Variants in WDR97 observed in about 807,000 individuals in gnomAD.
WDR97 encodes the protein WD repeat domain 97.
In WDR97, 111 loss-of-function variants were observed where a neutral mutation model predicts 65.4. That is an observed-to-expected ratio of 1.70 (90% CI 1.45 to 1.99). The LOEUF (loss-of-function observed/expected upper bound fraction) is 1.99. Ranked by LOEUF, WDR97 falls within the 30% of genes most tolerant of loss-of-function variation. The pLI, the probability that WDR97 is intolerant of heterozygous loss-of-function variation, is 0.00. For missense variants in WDR97, 1,674 were observed against 865.0 expected (o/e 1.94, Z -11.73); for synonymous variants, 802 against 397.7 (o/e 2.02, Z -12.10).
rs1320487720 is a variant in WDR97, at chr8:144,109,882, G to T, written c.1548G>T (p.Pro516=). Reference sequence around the variant, plus strand: ...TGAGCGTGCTGCACCGCGTGTGCCCGCCGCCGCCCCCTGCGCCGCAGCCTT... The same window carrying T: ...TGAGCGTGCTGCACCGCGTGTGCCCTCCGCCGCCCCCTGCGCCGCAGCCTT... ...CPMSVLHRVC[P]PPPPAPQPCC... is the part of the protein sequence containing the mutation. The change falls in exon 5 of 24, where the codon CCG becomes CCT. Residue 516 remains proline (P), a synonymous_variant. Transcript: ENST00000323662. 1 of 700,894 alleles carries T rather than the reference G, an allele frequency of 1.4e-6. No individual in the cohort carries two copies. 43.4% of individuals were successfully genotyped at this position (700,894 alleles called of 1,614,324 possible).
rs1266898360 is a variant in WDR97, at chr8:144,109,089, A to G, written c.919A>G (p.Met307Val). The change falls in exon 4 of 24, where the codon ATG becomes GTG. Residue 307 changes from methionine (M) to valine (V), a missense_variant. By Grantham distance (21) the Met-to-Val change is conservative. Coordinates refer to ENST00000323662, the MANE Select transcript of WDR97 (RefSeq NM_001316309.2). ...GGCTTACTGCGAGGAAGTAGAGGCA[A>G]TGGTGACAGCTTCCCGGGACAGCAC... Reference protein sequence around the residue: ...DLAYCEEVEAMVTASRDSTVK... With the variant: ...DLAYCEEVEAVVTASRDSTVK... 4 of 702,972 alleles carry G rather than the reference A, an allele frequency of 5.7e-6. No homozygotes were observed. The highest frequency in any genetic ancestry group is 1.0e-5 in the Non-Finnish European group (4 of 385,038). The allele number at this position is 702,972 out of a possible 1,614,324, so 43.5% of individuals were successfully genotyped here.
rs976925314 is a variant in WDR97 at position 144,115,417 on chromosome 8, C to T, written c.4154C>T (p.Ser1385Leu). ...ASVIPSGTSW[S>L]ASGIFGRLSQ... ...GTGATACCCTCGGGCACCTCCTGGT[C>T]GGCCTCCGGCATCTTCGGGAGGCTC... Residue 1385 changes from serine to leucine, a missense_variant, in exon 22 of 24, where the codon TCG becomes TTG. Transcript: ENST00000323662. 4 of 671,198 alleles carry T rather than the reference C, an allele frequency of 6.0e-6. No homozygotes were observed. Among genetic ancestry groups the T allele is most frequent in the African/African-American group, 3.6e-5 (2 of 56,174 alleles). 41.6% of individuals were successfully genotyped at this position (671,198 alleles called of 1,614,324 possible). A position where few individuals can be genotyped will look rare whatever the true frequency, so the allele number is the denominator to read the frequency against.
chr8:144,111,405 T>C (rs761009218), intron 10 of WDR97, 21 bp from the exon 11 acceptor site: 2 of 702,680 alleles, frequency 2.8e-6, no homozygotes, highest in South Asian at 1.5e-5. Flanking sequence ...GCATCCCACC[T>C]GTGCCTGTCC....
At chr8:144,108,291 C>A (rs760221209) in intron 2 of WDR97, 25 bp from the exon 3 acceptor site, 2 of 690,806 alleles carry the variant, frequency 2.9e-6, no homozygotes, top group Admixed American at 2.2e-5. Context: ...CCTTTGATTG[C>A]GGGCCCGCCC....
In WDR97 at chr8:144,115,558, A is replaced by G. The variant is rs1156485372; in HGVS notation, c.4295A>G (p.Gln1432Arg). Reference sequence around the variant, plus strand: ...CCCAAGCGCAGCTGGGGGACCCCTCAGCTCCGTCTCAGAGTGCTCTCCGAG... The same window carrying G: ...CCCAAGCGCAGCTGGGGGACCCCTCGGCTCCGTCTCAGAGTGCTCTCCGAG... ...LAPKRSWGTP[Q>R]LRLRVLSETL... The change falls in exon 22 of 24, where the codon CAG (glutamine) becomes CGG (arginine). Residue 1432 changes from glutamine (Q) to arginine (R), a missense_variant. Transcript: ENST00000323662. 1 of 696,316 alleles carries G rather than the reference A, an allele frequency of 1.4e-6. No homozygotes were observed. Among genetic ancestry groups the G allele is most frequent in the South Asian group, 1.5e-5 (1 of 67,280 alleles). The allele number at this position is 696,316 out of a possible 1,614,324, so 43.1% of individuals were successfully genotyped here. A position where few individuals can be genotyped will look rare whatever the true frequency, so the allele number is the denominator to read the frequency against.
chr8:144,116,030 G>T lies in WDR97; in HGVS notation c.4666+17G>T, dbSNP rs941594998. The T allele has an allele frequency of 5.7e-6, 4 of 699,604 alleles. No individual in the cohort carries two copies. Among genetic ancestry groups the T allele is most frequent in the Non-Finnish European group, 1.0e-5 (4 of 384,312 alleles). 43.3% of individuals were successfully genotyped at this position (699,604 alleles called of 1,614,324 possible). A position where few individuals can be genotyped will look rare whatever the true frequency, so the allele number is the denominator to read the frequency against. On this transcript the variant is annotated intron_variant, in intron 23 of 23. Transcript: ENST00000323662. ...GACTGAGGGGTGAGTGGAGCCAGGGGTGGAGACTGGACCCCACCCACCCCA... is the reference window on the plus strand; with the variant it reads ...GACTGAGGGGTGAGTGGAGCCAGGGTTGGAGACTGGACCCCACCCACCCCA...
In WDR97 at chr8:144,114,891, G is replaced by A. The variant is rs150768908; in HGVS notation, c.4057G>A (p.Asp1353Asn). The A allele has an allele frequency of 5.0e-4, 353 of 700,410 alleles. No individual in the cohort carries two copies. In the African/African-American group the frequency reaches 5.5e-3, roughly 11 times the overall value. 43.4% of individuals were successfully genotyped at this position (700,410 alleles called of 1,614,324 possible). A position where few individuals can be genotyped will look rare whatever the true frequency, so the allele number is the denominator to read the frequency against. The change falls in exon 21 of 24, where the codon GAC becomes AAC. Residue 1353 changes from aspartate (D) to asparagine (N), a missense_variant. Transcript: ENST00000323662. ...LRTCCHQKLE[D>N]MIQELQETPS... ...CACTTGCTGCCACCAGAAACTGGAG[G>A]ACATGATCCAGGAGCTTCAGGTTGG...
chr8:144,114,942 G>A (rs745344224), intron 21 of WDR97, 31 bp downstream of exon 21: 16 of 663,022 alleles, frequency 2.4e-5, no homozygotes, highest in Non-Finnish European at 4.1e-5. Flanking sequence ...GGGGGCCTTG[G>A]GAACCCTGTT....
rs1225142934 is a variant in WDR97 at position 144,111,205 on chromosome 8, T to A, written c.2409T>A (p.His803Gln). ...AACTGCAGAGGCTCACCAACCTCCATGGGGCAGCCAGCCTCAGGTCCCATG... is the reference window on the plus strand; with the variant it reads ...AACTGCAGAGGCTCACCAACCTCCAAGGGGCAGCCAGCCTCAGGTCCCATG... ...SAQLQRLTNL[H>Q]GAASLSEALS... is the part of the protein sequence containing the mutation. Residue 803 changes from histidine to glutamine, a missense_variant, in exon 10 of 24, where the codon CAT becomes CAA. His to Gln is a conservative substitution (Grantham distance 24, BLOSUM62 0). Transcript: ENST00000323662. 8 of 702,564 alleles carry A rather than the reference T, an allele frequency of 1.1e-5. No homozygotes were observed. The East Asian group carries it at 1.9e-4, about 16-fold the overall frequency. The allele number at this position is 702,564 out of a possible 1,614,324, so 43.5% of individuals were successfully genotyped here.
chr8:144,109,666 G>A lies in WDR97; in HGVS notation c.1332G>A (p.Thr444=). The A allele has an allele frequency of 3.0e-6, 2 of 668,162 alleles. No individual in the cohort carries two copies. The highest frequency in any genetic ancestry group is 3.1e-5 in the South Asian group (2 of 63,758). 41.4% of individuals were successfully genotyped at this position (668,162 alleles called of 1,614,324 possible). A position where few individuals can be genotyped will look rare whatever the true frequency, so the allele number is the denominator to read the frequency against. The change falls in exon 5 of 24, where the codon ACG becomes ACA. Residue 444 remains threonine, a synonymous_variant. Coordinates refer to ENST00000323662, the MANE Select transcript of WDR97 (RefSeq NM_001316309.2). ...LPAPAHQSLP[T]RLVCACADGS... ...CGCCTGCGCACCAGTCGCTGCCTAC[G>A]CGCCTCGTGTGCGCGTGCGCCGACG...
chr8:144,116,197 GC>G lies in WDR97; in HGVS notation c.4775del (p.Pro1592LeufsTer84). The G allele has an allele frequency of 1.4e-6, 1 of 696,586 alleles. No individual in the cohort carries two copies. The highest frequency in any genetic ancestry group is 1.5e-5 in the South Asian group (1 of 67,128). The allele number at this position is 696,586 out of a possible 1,614,324, so 43.2% of individuals were successfully genotyped here. ...AGCCGCAGCCTTTCCCCCTGGACTG[GC>G]CTATGCCCCCGCGCCCGCTGCCCCC... Reference protein sequence around the residue: ...VEPQPFPLDWPMPPRPLPPRL... With the variant: ...VEPQPFPLDWXMPPRPLPPRL... On this transcript the variant is annotated frameshift_variant, in exon 24 of 24. Transcript: ENST00000323662. LOFTEE classifies it low-confidence loss of function (END_TRUNC).
At chr8:144,108,008 G>T (rs1437450568) in intron 1 of WDR97, 51 bp from the exon 2 acceptor site, 2 of 702,380 alleles carry the variant, frequency 2.8e-6, no homozygotes, top group Non-Finnish European at 5.2e-6. Context: ...TAACCGTCAG[G>T]GTCGAGGACC....
intron 19 of WDR97, 37 bp downstream of exon 19, chr8:144,114,512 C>T (rs1396339159): frequency 1.4e-6 from 1 of 702,130 alleles, no homozygotes; most frequent in African/African-American, 1.7e-5. Flanking sequence ...TTCCTCCCCG[C>T]CCACCGGCCC....
Position 144,115,877 on chromosome 8 carries a change from G to A in WDR97, c.4595+19G>A, listed in dbSNP as rs1378637708. 7.2e-6 allele frequency: 5 copies of A among 696,176 alleles called. No individual in the cohort carries two copies. The highest frequency in any genetic ancestry group is 2.7e-5 in the East Asian group (1 of 37,084). The allele number at this position is 696,176 out of a possible 1,614,324, so 43.1% of individuals were successfully genotyped here. On this transcript the variant is annotated intron_variant, in intron 22 of 23. Coordinates refer to ENST00000323662, the MANE Select transcript of WDR97 (RefSeq NM_001316309.2). ...AGCACTGGTGCGCGGGGCCTGCGCC[G>A]GCGGGGCCTGCGTGGGGCAGCCAAG...
rs1195227903 is a variant in WDR97 at position 144,114,066 on chromosome 8, G to C, written c.3498G>C (p.Leu1166Phe). Residue 1166 changes from leucine (L) to phenylalanine (F), a missense_variant, in exon 18 of 24, where the codon TTG becomes TTC. Leu to Phe is a conservative substitution (Grantham distance 22). Transcript: ENST00000323662. ...HPHPWHRHGS[L>F]LLDEHYGHLP... is the part of the protein sequence containing the mutation. Reference sequence around the variant, plus strand: ...ATCCCTGGCACCGTCATGGGAGTTTGCTCTTGGATGAGCATTACGGGCATC... The same window carrying C: ...ATCCCTGGCACCGTCATGGGAGTTTCCTCTTGGATGAGCATTACGGGCATC... 2 of 702,882 alleles carry C rather than the reference G, an allele frequency of 2.8e-6. No homozygotes were observed. Among genetic ancestry groups the C allele is most frequent in the East Asian group, 5.4e-5 (2 of 37,286 alleles). 43.5% of individuals were successfully genotyped at this position (702,882 alleles called of 1,614,324 possible). A position where few individuals can be genotyped will look rare whatever the true frequency, so the allele number is the denominator to read the frequency against.
chr8:144,110,876 G>A lies in WDR97; in HGVS notation c.2184G>A (p.Leu728=), dbSNP rs1157574278. 1.0e-5 allele frequency: 7 copies of A among 702,818 alleles called. No homozygotes were observed. The highest frequency in any genetic ancestry group is 1.8e-5 in the Non-Finnish European group (7 of 384,990). The allele number at this position is 702,818 out of a possible 1,614,324, so 43.5% of individuals were successfully genotyped here. A position where few individuals can be genotyped will look rare whatever the true frequency, so the allele number is the denominator to read the frequency against. The change falls in exon 9 of 24, where the codon CTG becomes CTA. Residue 728 remains leucine, a synonymous_variant. Coordinates refer to ENST00000323662, the MANE Select transcript of WDR97 (RefSeq NM_001316309.2). ...AENRLLRLLQ[L]NGAPQALAFC... is the part of the protein sequence containing the mutation. ...GGTGCCTCTCCAGGCTCCTGCAGCT[G>A]AATGGTGCCCCTCAGGCCCTGGCTT... is the stretch of plus-strand genomic sequence containing the variant.
Position 144,114,355 on chromosome 8 carries a change from C to T in WDR97, c.3672C>T (p.Asp1224=). 1.4e-6 allele frequency: 1 copy of T among 702,804 alleles called. No individual in the cohort carries two copies. Among genetic ancestry groups the T allele is most frequent in the Non-Finnish European group, 2.6e-6 (1 of 384,990 alleles). 43.5% of individuals were successfully genotyped at this position (702,804 alleles called of 1,614,324 possible). A position where few individuals can be genotyped will look rare whatever the true frequency, so the allele number is the denominator to read the frequency against. ...VALLEKTTWV[D]RVHILQVLLR... is the part of the protein sequence containing the mutation. ...TGCTGGAGAAGACCACGTGGGTCGA[C>T]CGTGTGCACATCCTGCAGGTGCTAC... is the stretch of plus-strand genomic sequence containing the variant. Residue 1224 remains aspartate, a synonymous_variant, in exon 19 of 24, where the codon GAC becomes GAT. Transcript: ENST00000323662.
chr8:144,112,635 A>C (rs1836573886), intron 15 of WDR97, 105 bp downstream of exon 15: 1 of 676,536 alleles, frequency 1.5e-6, no homozygotes, highest in Admixed American at 2.1e-5. Flanking sequence ...ATCTGACCCA[A>C]GGGCCATGCC....
intron 15 of WDR97, 106 bp from the exon 16 acceptor site, chr8:144,113,334 C>G: frequency 1.5e-6 from 1 of 683,438 alleles, no homozygotes; most frequent in East Asian, 2.7e-5. Context: ...GCAGGCAGAG[C>G]TGGACTGGCG....
Sources: gnomAD v4.1 joint callset for allele counts on GRCh38, gnomAD v4.1.1 for gene constraint, MANE v1.5 for transcripts, NCBI Gene and HGNC (gene_info 2026-07-23, HGNC 2026-07-21) for gene names.